KCNQ1: variants seen among roughly 807,000 people sequenced by gnomAD.
KCNQ1 encodes potassium voltage-gated channel subfamily KQT member 1.
KCNQ1 carries 49 observed loss-of-function variants against 72.4 expected under a neutral mutation model. That is an observed-to-expected ratio of 0.68 (90% CI 0.54 to 0.86). KCNQ1 has a LOEUF of 0.86. Ranked by LOEUF, KCNQ1 falls within the 40% of genes least tolerant of loss-of-function variation. The probability of loss-of-function intolerance (pLI) is 0.00; values close to 1 mark genes in which losing one functional copy is unlikely to be tolerated. For missense variants in KCNQ1, 790 were observed against 945.1 expected (o/e 0.84, Z 2.15); for synonymous variants, 450 against 412.6 (o/e 1.09, Z -1.10).
intron 11 of KCNQ1, among the ~76,000 whole-genome samples, chr11:2,742,404 G>A (rs1003544822): frequency 2.0e-5 from 3 of 152,180 alleles, no homozygotes; most frequent in Non-Finnish European, 2.9e-5. Flanking sequence ...TCATACTCAC[G>A]GCCACCTGGC....
chr11:2,504,715 C>T (rs991793026), intron 1 of KCNQ1, among the ~76,000 whole-genome samples: 6 of 152,186 alleles, frequency 3.9e-5, no homozygotes, highest in African/African-American at 1.4e-4. Flanking sequence ...TGAGATCGCG[C>T]CACTGCACTC....
chr11:2,796,938 G>A (rs902357718), intron 15 of KCNQ1, among the ~76,000 whole-genome samples: 3 of 152,252 alleles, frequency 2.0e-5, no homozygotes, highest in African/African-American at 7.2e-5. Context: ...TGTGGAGTGA[G>A]ACTGTGCCTG....
At chr11:2,721,075 A>G (rs1216939364) in intron 11 of KCNQ1, among the ~76,000 whole-genome samples, 1 of 152,180 alleles carries the variant, frequency 6.6e-6, no homozygotes, top group African/African-American at 2.4e-5. Flanking sequence ...TAAAGCTTGT[A>G]AAGAGTTTCT....
At position 2,593,635 on chromosome 11, in the gene KCNQ1, T is replaced by C. The variant is rs1414603717; in HGVS notation, c.1393+4781T>C. On this transcript the variant is annotated intron_variant, in intron 10 of 15. Coordinates refer to ENST00000155840, the MANE Select transcript of KCNQ1 (RefSeq NM_000218.3). This position sits in a 1 kb window ranked among gnomAD's most constrained non-coding sequence, Gnocchi z 6.9. ...ATACCCAGAGGTCCCCAGTGTGGTCTGGGGACTCATCGTTCACACTCGTGT... is the reference window on the plus strand; with the variant it reads ...ATACCCAGAGGTCCCCAGTGTGGTCCGGGGACTCATCGTTCACACTCGTGT... Among the ~76,000 whole-genome samples, 1 of 152,172 alleles carries C rather than the reference T, an allele frequency of 6.6e-6. No homozygotes were observed. Among genetic ancestry groups the C allele is most frequent in the East Asian group, 1.9e-4 (1 of 5,180 alleles).
chr11:2,468,776 G>A lies in KCNQ1; in HGVS notation c.386+23292G>A, dbSNP rs1207126430. 6.6e-6 allele frequency among the ~76,000 whole-genome samples: 1 copy of A among 152,196 alleles called. No homozygotes were observed. The highest frequency in any genetic ancestry group is 1.5e-5 in the Non-Finnish European group (1 of 68,030). Reference sequence around the variant, plus strand: ...CTGTTGTTTGGGTAGAGCCTACTTTGCCGATCCATGCACCTGTTGATGGAC... The same window carrying A: ...CTGTTGTTTGGGTAGAGCCTACTTTACCGATCCATGCACCTGTTGATGGAC... On this transcript the variant is annotated intron_variant, in intron 1 of 15. Transcript: ENST00000155840. The surrounding 1 kb of genome is among the most constrained non-coding windows in gnomAD (Gnocchi z 5.7).
chr11:2,846,811 G>C (rs888024133), intron 15 of KCNQ1, among the ~76,000 whole-genome samples: 1 of 152,270 alleles, frequency 6.6e-6, no homozygotes, highest in African/African-American at 2.4e-5. Flanking sequence ...CTTCTCTGCT[G>C]CCTCCGCAGC....
intron 11 of KCNQ1, among the ~76,000 whole-genome samples, chr11:2,707,591 T>G (rs967647222): frequency 9.9e-5 from 15 of 152,166 alleles, no homozygotes; most frequent in Admixed American, 4.6e-4. Flanking sequence ...TAAATGGATG[T>G]GCACTGGCAC....
intron 15 of KCNQ1, among the ~76,000 whole-genome samples, chr11:2,833,456 G>C (rs966291992): frequency 6.6e-6 from 1 of 152,204 alleles, no homozygotes; most frequent in Non-Finnish European, 1.5e-5. Flanking sequence ...GCCTTAGGGT[G>C]GGCACCTGGG....
At chr11:2,789,421 G>A (rs573611517) in intron 15 of KCNQ1, among the ~76,000 whole-genome samples, 99 of 152,346 alleles carry the variant, frequency 6.5e-4, no homozygotes, top group Non-Finnish European at 9.0e-4. Context: ...AAAGCCATCT[G>A]TTTGTCCATA....
intron 15 of KCNQ1, among the ~76,000 whole-genome samples, chr11:2,844,542 G>T (rs544460701): frequency 1.1e-3 from 174 of 152,326 alleles, no homozygotes; most frequent in African/African-American, 4.0e-3. Context: ...TCGGCCCTGT[G>T]GCTGCCTCCC....
At chr11:2,778,996 G>A (rs994454701) in intron 15 of KCNQ1, among the ~76,000 whole-genome samples, 1 of 152,214 alleles carries the variant, frequency 6.6e-6, no homozygotes, top group Non-Finnish European at 1.5e-5. Context: ...GGCGGCCGTG[G>A]GGCCCTGAGA....
rs926818601 is a variant in KCNQ1, at chr11:2,471,581, C to T, written c.386+26097C>T. Among the ~76,000 whole-genome samples, 2 of 150,262 alleles carry T rather than the reference C, an allele frequency of 1.3e-5. No individual in the cohort carries two copies. Among genetic ancestry groups the T allele is most frequent in the Admixed American group, 6.6e-5 (1 of 15,104 alleles). On this transcript the variant is annotated intron_variant, in intron 1 of 15. Transcript: ENST00000155840. The surrounding 1 kb of genome is among the most constrained non-coding windows in gnomAD (Gnocchi z 4.8). The stretch of plus-strand genomic sequence containing the variant: ...GCACATGTGTATGTGTGTGTGTGCA[C>T]GTGTGTATGGGTGCGTGTGCACCTG...
chr11:2,523,007 G>A (rs1251365648), intron 1 of KCNQ1, among the ~76,000 whole-genome samples: 2 of 152,178 alleles, frequency 1.3e-5, no homozygotes, highest in East Asian at 3.9e-4. Context: ...ATCTGAGCCA[G>A]CTGTGTCTCC....
intron 15 of KCNQ1, among the ~76,000 whole-genome samples, chr11:2,811,449 A>G (rs994645129): frequency 6.6e-6 from 1 of 152,252 alleles, no homozygotes; most frequent in Non-Finnish European, 1.5e-5. Flanking sequence ...GCCTGCACGC[A>G]TGAGGCTGTG....
chr11:2,801,202 G>A (rs968116785), intron 15 of KCNQ1, among the ~76,000 whole-genome samples: 3 of 152,196 alleles, frequency 2.0e-5, no homozygotes, highest in African/African-American at 7.2e-5. Flanking sequence ...AGTTCCAACA[G>A]GATACTGGGC....
intron 2 of KCNQ1, among the ~76,000 whole-genome samples, chr11:2,530,624 CTG>C (rs1305209151): frequency 1.3e-5 from 2 of 152,176 alleles, no homozygotes; most frequent in African/African-American, 2.4e-5. Context: ...GCATCTGTAT[CTG>C]AGTATTATGT....
In KCNQ1 at chr11:2,698,668, C is replaced by T. The variant is rs978548928; in HGVS notation, c.1514+36587C>T. On this transcript the variant is annotated intron_variant, in intron 11 of 15. Transcript: ENST00000155840. The surrounding 1 kb of genome is among the most constrained non-coding windows in gnomAD (Gnocchi z 5.1). ...AATCCCAATCTCTTAACTCAGAGCC[C>T]CCCATTCAGAACCTCTACCCAAAGA... 2.5e-6 allele frequency: 1 copy of T among 398,800 alleles called. No homozygotes were observed. Among genetic ancestry groups the T allele is most frequent in the Non-Finnish European group, 4.4e-6 (1 of 226,120 alleles). The allele number at this position is 398,800 out of a possible 1,614,324, so 24.7% of individuals were successfully genotyped here. A position where few individuals can be genotyped will look rare whatever the true frequency, so the allele number is the denominator to read the frequency against.
chr11:2,697,816 T>C (rs939246068), intron 11 of KCNQ1: 3 of 398,542 alleles, frequency 7.5e-6, no homozygotes, highest in African/African-American at 6.2e-5. Flanking sequence ...AGGGAAATTC[T>C]TTATAGTTTT....
chr11:2,820,708 T>C (rs1847713758), intron 15 of KCNQ1, among the ~76,000 whole-genome samples: 1 of 152,224 alleles, frequency 6.6e-6, no homozygotes, highest in South Asian at 2.1e-4. Flanking sequence ...CCCCATCCTC[T>C]GGGCCCTTAA....
Sources: allele counts gnomAD v4.1 joint callset (sites outside exome capture counted in the v4.1 genomes callset), GRCh38; gene constraint gnomAD v4.1.1; non-coding constraint Gnocchi (gnomAD v3.1); transcripts MANE v1.5; gene names NCBI Gene and HGNC (gene_info 2026-07-23, HGNC 2026-07-21).